The following NUTF2 variants were observed in gnomAD, a reference collection of about 807,000 sequenced individuals.
The protein encoded by NUTF2 is placental protein 15.
In NUTF2, 3 loss-of-function variants were observed where a neutral mutation model predicts 18.5. The ratio of observed to expected loss-of-function variants is 0.16; its 90% CI spans 0.07 to 0.42. NUTF2 has a LOEUF of 0.42. Among genes scored for constraint, NUTF2 ranks in the 10% least tolerant of loss-of-function variants. The pLI, the probability that NUTF2 is intolerant of heterozygous loss-of-function variation, is 0.99. For synonymous variants in NUTF2, 51 were observed against 57.9 expected (o/e 0.88, Z 0.54); for missense variants, 44 against 160.7 (o/e 0.27, Z 3.93).
At chr16:67,868,316 TG>T in intron 2 of NUTF2, 23 bp from the exon 3 acceptor site, 1 of 1,611,576 alleles carries the variant, frequency 6.2e-7, no homozygotes, top group Non-Finnish European at 8.5e-7. Flanking sequence ...GCCCCAACCC[TG>T]GGGTTTCCTG....
chr16:67,868,873 C>G (rs991208661), intron 4 of NUTF2: 5 of 320,384 alleles, frequency 1.6e-5, no homozygotes, highest in African/African-American at 4.3e-5. Context: ...AGACACTGGT[C>G]TAGAGCCTTT....
At chr16:67,867,163 G>C (rs999864674) in intron 2 of NUTF2, among the ~76,000 whole-genome samples, 3 of 151,154 alleles carry the variant, frequency 2.0e-5, no homozygotes, top group Admixed American at 6.6e-5. Flanking sequence ...GGAGAGACGG[G>C]GTTTCACCAT....
At chr16:67,855,989 G>C in intron 1 of NUTF2, 1 of 1,239,118 alleles carries the variant, frequency 8.1e-7, no homozygotes, top group South Asian at 1.3e-5. Flanking sequence ...GGTGCCAGCG[G>C]CCTTGGTGAC....
At chr16:67,860,330 A>G (rs2057927112) in intron 1 of NUTF2, among the ~76,000 whole-genome samples, 1 of 152,112 alleles carries the variant, frequency 6.6e-6, no homozygotes, top group African/African-American at 2.4e-5. Context: ...GGTGGATTGC[A>G]GTGGTAAGTT....
chr16:67,849,023 G>C (rs1470209129), intron 1 of NUTF2, among the ~76,000 whole-genome samples: 1 of 152,158 alleles, frequency 6.6e-6, no homozygotes. Context: ...GGAAGAATAG[G>C]CAAGAATGCT....
chr16:67,868,252 A>G (rs2057987865), intron 2 of NUTF2, 88 bp from the exon 3 acceptor site: 1 of 1,222,022 alleles, frequency 8.2e-7, no homozygotes. Context: ...CACTTCTCCA[A>G]GCAAGGCCCT....
chr16:67,868,155 G>T (rs540121341), intron 2 of NUTF2, among the ~76,000 whole-genome samples, 185 bp from the exon 3 acceptor site: 1 of 152,252 alleles, frequency 6.6e-6, no homozygotes, highest in South Asian at 2.1e-4. Flanking sequence ...TGGGCCCAGG[G>T]TCAATGGGGT....
chr16:67,870,616 A>T, intron 4 of NUTF2, 184 bp from the exon 5 acceptor site: 1 of 612,842 alleles, frequency 1.6e-6, no homozygotes, highest in East Asian at 2.8e-5. Context: ...ACATGTGCCC[A>T]GGGCATTGTT....
chr16:67,850,150 GT>G (rs2057842163), intron 1 of NUTF2, among the ~76,000 whole-genome samples: 1 of 151,690 alleles, frequency 6.6e-6, no homozygotes, highest in Non-Finnish European at 1.5e-5. Context: ...TTACTCAAGA[GT>G]AGGAGGAATT....
intron 1 of NUTF2, among the ~76,000 whole-genome samples, chr16:67,863,243 G>A (rs1448789881): frequency 1.3e-5 from 2 of 152,204 alleles, no homozygotes; most frequent in Non-Finnish European, 2.9e-5. Context: ...GACACACCTT[G>A]TGTTCCTGTG....
rs1344140114 is a variant in NUTF2, at chr16:67,868,486, CT to C, written c.172-14del. 7 of 1,613,270 alleles carry C rather than the reference CT, an allele frequency of 4.3e-6. No individual in the cohort carries two copies. The African/African-American group carries it at 9.3e-5, about 22-fold the overall frequency. On this transcript the variant is annotated splice_polypyrimidine_tract_variant and intron_variant, in intron 3 of 4. Coordinates refer to ENST00000219169, the MANE Select transcript of NUTF2 (RefSeq NM_005796.3). ...CTGGCCTTGGTTCTCCCACCTCCCA[CT>C]CTCTCTCTTGTAGAGCCTTCCGTTC...
intron 1 of NUTF2, among the ~76,000 whole-genome samples, chr16:67,863,605 C>A (rs1598166638): frequency 6.6e-6 from 1 of 152,278 alleles, no homozygotes; most frequent in Admixed American, 6.5e-5. Context: ...GGTTGCCATC[C>A]CCATCTTATA....
intron 1 of NUTF2, among the ~76,000 whole-genome samples, chr16:67,863,984 G>A (rs1038922735): frequency 6.6e-5 from 10 of 152,180 alleles, no homozygotes; most frequent in Non-Finnish European, 1.5e-4. Flanking sequence ...GCAATGCTGG[G>A]ATGAGGGGAT....
intron 1 of NUTF2, among the ~76,000 whole-genome samples, chr16:67,850,291 G>T (rs927594325): frequency 1.3e-5 from 2 of 149,412 alleles, no homozygotes; most frequent in African/African-American, 2.5e-5. Flanking sequence ...TGCAAGCTCC[G>T]CCTCCCGGGT....
At chr16:67,852,956 T>A (rs1308428700) in intron 1 of NUTF2, among the ~76,000 whole-genome samples, 1 of 152,230 alleles carries the variant, frequency 6.6e-6, no homozygotes, top group African/African-American at 2.4e-5. Flanking sequence ...GTGCTGGGAT[T>A]ACAGGCATGA....
intron 1 of NUTF2, chr16:67,855,890 G>GGGGA: frequency 5.0e-6 from 2 of 397,032 alleles, no homozygotes; most frequent in Non-Finnish European, 9.2e-6. Flanking sequence ...TTTTTGGCGG[G>GGGGA]GGGGGGGGAT....
intron 1 of NUTF2, chr16:67,855,834 A>T (rs1019204058): frequency 5.5e-6 from 2 of 361,988 alleles, no homozygotes; most frequent in African/African-American, 2.3e-5. Context: ...TGCTGATTTC[A>T]TAGGGGAAGA....
chr16:67,856,809 C>T (rs2057901140), intron 1 of NUTF2, among the ~76,000 whole-genome samples: 1 of 152,064 alleles, frequency 6.6e-6, no homozygotes, highest in Non-Finnish European at 1.5e-5. Context: ...TGTGCCCGGC[C>T]CCATCTCGGC....
chr16:67,852,737 T>C (rs2057869283), intron 1 of NUTF2, among the ~76,000 whole-genome samples: 1 of 152,156 alleles, frequency 6.6e-6, no homozygotes, highest in African/African-American at 2.4e-5. Flanking sequence ...TGGAGTGCAA[T>C]GGCGTGATCT....
Sources: allele counts gnomAD v4.1 joint callset (sites outside exome capture counted in the v4.1 genomes callset), GRCh38; gene constraint gnomAD v4.1.1; transcripts MANE v1.5; gene names NCBI Gene and HGNC (gene_info 2026-07-23, HGNC 2026-07-21).